The following GRIK2 variants were observed in gnomAD, a reference collection of about 807,000 sequenced individuals.
GRIK2 encodes glutamate ionotropic receptor kainate type subunit 2.
In GRIK2, 32 loss-of-function variants were observed where a neutral mutation model predicts 100.3. The observed-to-expected ratio is 0.32, with a 90% CI of 0.24 to 0.43. The LOEUF is 0.43. Ranked by LOEUF, GRIK2 falls within the 20% of genes least tolerant of loss-of-function variation. The pLI, the probability that GRIK2 is intolerant of heterozygous loss-of-function variation, is 1.00. For synonymous variants in GRIK2, 417 were observed against 389.4 expected (o/e 1.07, Z -0.83); for missense variants, 843 against 1,114.9 (o/e 0.76, Z 3.47).
At chr6:101,512,548 A>G (rs1774373141) in intron 2 of GRIK2, among the ~76,000 whole-genome samples, 1 of 152,162 alleles carries the variant, frequency 6.6e-6, no homozygotes, top group South Asian at 2.1e-4. Flanking sequence ...TATTCTTGTA[A>G]AGTAGCCACA....
At chr6:102,021,336 C>G (rs1429273058) in intron 14 of GRIK2, among the ~76,000 whole-genome samples, 2 of 151,316 alleles carry the variant, frequency 1.3e-5, no homozygotes, top group African/African-American at 4.8e-5. Flanking sequence ...TCATAGAAAA[C>G]TGAGGGTAAA....
At chr6:101,727,001 A>C (rs927309945) in intron 7 of GRIK2, among the ~76,000 whole-genome samples, 6 of 152,050 alleles carry the variant, frequency 3.9e-5, no homozygotes, top group Admixed American at 2.0e-4. Context: ...ATTTTTAACA[A>C]TATTTGCCCT....
intron 14 of GRIK2, among the ~76,000 whole-genome samples, chr6:101,983,418 C>T (rs1245543367): frequency 3.1e-4 from 47 of 151,768 alleles, no homozygotes; most frequent in Admixed American, 3.1e-3. Context: ...CTCTAATCAC[C>T]GGTTTTTTAT....
Position 101,889,757 on chromosome 6 carries a change from A to G in GRIK2, c.1642A>G (p.Thr548Ala). The change falls in exon 12 of 17, where the codon ACA becomes GCA. Residue 548 changes from threonine (T) to alanine (A), a missense_variant. Coordinates refer to ENST00000369134, the MANE Select transcript of GRIK2 (RefSeq NM_021956.5). Reference sequence around the variant, plus strand: ...TATTTTGTACCGCAAGCCCAATGGTACAAACCCAGGCGTCTTCTCCTTCCT... The same window carrying G: ...TATTTTGTACCGCAAGCCCAATGGTGCAAACCCAGGCGTCTTCTCCTTCCT... The part of the protein sequence containing the change: ...ISILYRKPNG[T>A]NPGVFSFLNP... 1 of 1,613,276 alleles carries G rather than the reference A, an allele frequency of 6.2e-7. No homozygotes were observed. The highest frequency in any genetic ancestry group is 8.5e-7 in the Non-Finnish European group (1 of 1,179,324).
At chr6:101,920,769 G>A (rs1417619585) in intron 12 of GRIK2, among the ~76,000 whole-genome samples, 1 of 149,180 alleles carries the variant, frequency 6.7e-6, no homozygotes, top group African/African-American at 2.5e-5. Flanking sequence ...GATCACATTT[G>A]CTAAGAAAAG....
chr6:101,889,964 A>G, intron 12 of GRIK2, 101 bp downstream of exon 12: 1 of 711,414 alleles, frequency 1.4e-6, no homozygotes, highest in Non-Finnish European at 2.5e-6. Context: ...TCTGTTCTTT[A>G]TTTTCCATGG....
At chr6:101,610,116 C>T (rs1414204506) in intron 2 of GRIK2, among the ~76,000 whole-genome samples, 1 of 151,164 alleles carries the variant, frequency 6.6e-6, no homozygotes, top group Non-Finnish European at 1.5e-5. Flanking sequence ...AATAAGCACA[C>T]AAAAATATAC....
At chr6:101,510,483 A>G (rs1031866739) in intron 2 of GRIK2, among the ~76,000 whole-genome samples, 1 of 128,344 alleles carries the variant, frequency 7.8e-6, no homozygotes, top group African/African-American at 2.8e-5. Flanking sequence ...TTGTTTGGCT[A>G]TGTCAGATCA....
At chr6:101,847,411 G>A (rs540539068) in intron 10 of GRIK2, among the ~76,000 whole-genome samples, 2 of 151,876 alleles carry the variant, frequency 1.3e-5, no homozygotes, top group South Asian at 4.2e-4. Context: ...CCTCACCCAG[G>A]GTTTTTTGTT....
intron 2 of GRIK2, among the ~76,000 whole-genome samples, chr6:101,450,809 G>T (rs913956317): frequency 6.6e-6 from 1 of 151,848 alleles, no homozygotes; most frequent in Non-Finnish European, 1.5e-5. Flanking sequence ...GAGAGAGGAA[G>T]AAATGGTAGG....
intron 7 of GRIK2, among the ~76,000 whole-genome samples, chr6:101,797,468 T>G (rs1467921203): frequency 6.6e-6 from 1 of 151,096 alleles, no homozygotes; most frequent in Non-Finnish European, 1.5e-5. Flanking sequence ...TAACAATAGA[T>G]TTTTTATTAT....
chr6:102,021,271 T>G (rs1485008025), intron 14 of GRIK2, among the ~76,000 whole-genome samples: 4 of 151,714 alleles, frequency 2.6e-5, no homozygotes, highest in African/African-American at 9.7e-5. Flanking sequence ...TAAATCTTTG[T>G]TTTTATAAAA....
chr6:102,035,412 A>C lies in GRIK2; in HGVS notation c.2157A>C (p.Lys719Asn). The C allele has an allele frequency of 6.2e-7, 1 of 1,609,398 alleles. No homozygotes were observed. The highest frequency in any genetic ancestry group is 8.5e-7 in the Non-Finnish European group (1 of 1,176,664). Residue 719 changes from lysine (K) to asparagine (N), a missense_variant, in exon 15 of 17, where the codon AAA (lysine) becomes AAC (asparagine). By Grantham distance (94) the Lys-to-Asn change is moderately conservative (BLOSUM62 0). Around this residue, in one of 3 missense-constraint regions of GRIK2, gnomAD observed 237 missense variants for 388.0 expected, o/e 0.61. Coordinates refer to ENST00000369134, the MANE Select transcript of GRIK2 (RefSeq NM_021956.5). ...MSSRRQSVLV[K>N]SNEEGIQRVL... is the part of the protein sequence containing the mutation. The stretch of plus-strand genomic sequence containing the variant: ...GCAGAAGGCAGTCAGTGCTGGTCAA[A>C]AGTAATGAAGAAGGAATCCAGCGAG...
intron 2 of GRIK2, among the ~76,000 whole-genome samples, chr6:101,408,322 A>G (rs918777875): frequency 6.6e-6 from 1 of 152,076 alleles, no homozygotes; most frequent in Non-Finnish European, 1.5e-5. Context: ...ATGTTAGTCA[A>G]AATTCTCCAG....
At chr6:101,587,402 C>CCG (rs1562244483) in intron 2 of GRIK2, among the ~76,000 whole-genome samples, 4 of 150,510 alleles carry the variant, frequency 2.7e-5, no homozygotes, top group African/African-American at 1.0e-4. Flanking sequence ...CTGTCTGTCC[C>CCG]TCCGTCCATC....
intron 7 of GRIK2, among the ~76,000 whole-genome samples, chr6:101,782,208 C>T (rs1373526451): frequency 6.6e-6 from 1 of 152,114 alleles, no homozygotes; most frequent in Non-Finnish European, 1.5e-5. Flanking sequence ...GGAAACATTG[C>T]AATCCTCTCT....
At chr6:101,965,505 T>C (rs1246291628) in intron 14 of GRIK2, among the ~76,000 whole-genome samples, 1 of 152,042 alleles carries the variant, frequency 6.6e-6, no homozygotes, top group Non-Finnish European at 1.5e-5. Flanking sequence ...GGTTGAATAA[T>C]ACCTCTGTAA....
chr6:101,689,033 G>A (rs1452795963), intron 7 of GRIK2, among the ~76,000 whole-genome samples: 1 of 151,914 alleles, frequency 6.6e-6, no homozygotes, highest in Non-Finnish European at 1.5e-5. Flanking sequence ...GCATATTTAT[G>A]TCTTACATAA....
At chr6:101,730,914 T>C (rs143177999) in intron 7 of GRIK2, among the ~76,000 whole-genome samples, 1 of 151,814 alleles carries the variant, frequency 6.6e-6, no homozygotes, top group African/African-American at 2.4e-5. Context: ...TGTTTTGAGT[T>C]TGAAGTGTTA....
Sources: allele counts gnomAD v4.1 joint callset (sites outside exome capture counted in the v4.1 genomes callset), GRCh38; gene constraint gnomAD v4.1.1; regional missense constraint gnomAD v4.1.1; transcripts MANE v1.5; gene names NCBI Gene and HGNC (gene_info 2026-07-23, HGNC 2026-07-21).